The following STAM2 variants were observed in gnomAD, a reference collection of about 807,000 sequenced individuals.
STAM2 encodes signal transducing adapter molecule 2.
STAM2 carries 51 observed loss-of-function variants against 65.6 expected under a neutral mutation model. The observed-to-expected ratio is 0.78, with a 90% CI of 0.62 to 0.98. STAM2 has a LOEUF of 0.98. Among genes scored for constraint, STAM2 ranks in the 50% least tolerant of loss-of-function variants. The pLI, the probability that STAM2 is intolerant of heterozygous loss-of-function variation, is 0.00. For synonymous variants in STAM2, 198 were observed against 208.4 expected, an observed-to-expected ratio of 0.95 and a Z score of 0.43; for missense variants, 584 against 617.8, an observed-to-expected ratio of 0.95 and a Z score of 0.58.
At chr2:152,145,217 T>C (rs985774094) in intron 5 of STAM2, among the ~76,000 whole-genome samples, 16 of 152,104 alleles carry the variant, frequency 1.1e-4, no homozygotes, top group African/African-American at 3.9e-4. Context: ...ACTAGAGGTG[T>C]ATGCATCCAC....
At chr2:152,165,580 C>G (rs1030665416) in intron 1 of STAM2, among the ~76,000 whole-genome samples, 5 of 152,174 alleles carry the variant, frequency 3.3e-5, no homozygotes, top group African/African-American at 1.2e-4. Flanking sequence ...GGAGTACTGT[C>G]AGGCTTCAGG....
intron 7 of STAM2, among the ~76,000 whole-genome samples, chr2:152,139,725 G>A (rs1292181050): frequency 6.6e-6 from 1 of 152,242 alleles, no homozygotes; most frequent in South Asian, 2.1e-4. Context: ...ATTTAGTAGA[G>A]AGACATACGT....
intron 11 of STAM2, among the ~76,000 whole-genome samples, chr2:152,128,460 GA>G (rs35373883): frequency 0.053 from 8,066 of 151,748 alleles, 248 homozygotes; most frequent in Non-Finnish European, 0.071. Flanking sequence ...GAAAGCTACA[GA>G]AATTAGTGCC....
At chr2:152,132,339 G>A (rs1013711233) in intron 10 of STAM2, among the ~76,000 whole-genome samples, 171 bp from the exon 11 acceptor site, 5 of 152,160 alleles carry the variant, frequency 3.3e-5, no homozygotes, top group African/African-American at 1.2e-4. Context: ...TTACTATCAT[G>A]TGACTAAAAG....
intron 11 of STAM2, among the ~76,000 whole-genome samples, chr2:152,131,093 G>T (rs917630734): frequency 6.6e-6 from 1 of 151,370 alleles, no homozygotes; most frequent in African/African-American, 2.4e-5. Context: ...GAAAAGAGAA[G>T]GTGTGATTTA....
intron 13 of STAM2, among the ~76,000 whole-genome samples, chr2:152,121,054 C>T (rs1410993867): frequency 6.6e-6 from 1 of 152,076 alleles, no homozygotes; most frequent in Non-Finnish European, 1.5e-5. Context: ...TTCTCAAACT[C>T]CTGGGCTCAA....
At chr2:152,165,960 C>A (rs531541049) in intron 1 of STAM2, among the ~76,000 whole-genome samples, 9 of 152,170 alleles carry the variant, frequency 5.9e-5, no homozygotes, top group Admixed American at 5.9e-4. Context: ...TCCAGCACTG[C>A]GGGAGGTCAA....
chr2:152,175,685 C>G lies in STAM2; in HGVS notation c.-43G>C, dbSNP rs1165709062. 2.5e-6 allele frequency: 4 copies of G among 1,591,094 alleles called. No individual in the cohort carries two copies. The African/African-American group carries it at 5.4e-5, about 21-fold the overall frequency. On this transcript the variant is annotated 5_prime_UTR_variant, in exon 1 of 14. Coordinates refer to ENST00000263904, the MANE Select transcript of STAM2 (RefSeq NM_005843.6). ...CCTAGTCGCTGCTGTCTAGCTGACA[C>G]TCAGCAACTGCTACCCGCCGGGTGA...
chr2:152,156,466 A>G (rs887371797), intron 1 of STAM2, among the ~76,000 whole-genome samples: 2 of 152,130 alleles, frequency 1.3e-5, no homozygotes, highest in Non-Finnish European at 2.9e-5. Context: ...CCTATATCAC[A>G]TTATTCTGTG....
In STAM2 at chr2:152,159,094, C is replaced by CATATAT. The variant is rs10524193; in HGVS notation, c.41-8871_41-8866dup. ...CAAGAAAAGCTAGCCAAAAAAAAACCATATATATATATATATACACACACA... is the reference window on the plus strand; with the variant it reads ...CAAGAAAAGCTAGCCAAAAAAAAACCATATATATATATATATATATATACACACACA... On this transcript the variant is annotated intron_variant, in intron 1 of 13. Coordinates refer to ENST00000263904, the MANE Select transcript of STAM2 (RefSeq NM_005843.6). Among the ~76,000 whole-genome samples the CATATAT allele has an allele frequency of 2.1e-3, 220 of 103,014 alleles. 20 individuals are homozygous for CATATAT. Among genetic ancestry groups the CATATAT allele is most frequent in the African/African-American group, 7.0e-3 (156 of 22,224 alleles). 67.6% of individuals were successfully genotyped at this position (103,014 alleles called of 152,430 possible).
chr2:152,144,814 G>A (rs1689309304), intron 6 of STAM2, 74 bp downstream of exon 6: 3 of 1,294,338 alleles, frequency 2.3e-6, no homozygotes, highest in Non-Finnish European at 3.4e-6. Context: ...TGGGATTACA[G>A]GCGTGAGCCA....
At chr2:152,131,568 G>A (rs545891489) in intron 11 of STAM2, 1 of 154,074 alleles carries the variant, frequency 6.5e-6, no homozygotes, top group East Asian at 1.9e-4. Flanking sequence ...GTCTCAAAGA[G>A]GAAAAAGTCA....
chr2:152,168,848 T>C (rs1257204043), intron 1 of STAM2, among the ~76,000 whole-genome samples: 1 of 152,238 alleles, frequency 6.6e-6, no homozygotes, highest in Non-Finnish European at 1.5e-5. Flanking sequence ...CCACAGTGAT[T>C]AGACAATTGA....
chr2:152,155,345 T>C (rs1689521845), intron 1 of STAM2, among the ~76,000 whole-genome samples: 2 of 152,216 alleles, frequency 1.3e-5, no homozygotes, highest in South Asian at 2.1e-4. Flanking sequence ...TCTGTGGACA[T>C]AGTTTGGCTG....
chr2:152,169,093 A>C (rs1689852734), intron 1 of STAM2, among the ~76,000 whole-genome samples: 3 of 152,166 alleles, frequency 2.0e-5, no homozygotes, highest in Admixed American at 2.0e-4. Context: ...AATAAAATTA[A>C]GGGAGAATGA....
At chr2:152,151,767 A>G (rs1689450830) in intron 1 of STAM2, among the ~76,000 whole-genome samples, 1 of 152,108 alleles carries the variant, frequency 6.6e-6, no homozygotes, top group South Asian at 2.1e-4. Flanking sequence ...ACCACACAAT[A>G]TATGTTCTTT....
Position 152,135,615 on chromosome 2 carries a change from G to A in STAM2, c.705-12C>T. On this transcript the variant is annotated splice_polypyrimidine_tract_variant and intron_variant, in intron 7 of 13. Transcript: ENST00000263904. ...ACCAATTGGCATCACTAAAAATACA[G>A]TGCAAAAAATATCATTTGTTCCCCA... 6.5e-7 allele frequency: 1 copy of A among 1,550,124 alleles called. No individual in the cohort carries two copies. The highest frequency in any genetic ancestry group is 8.8e-7 in the Non-Finnish European group (1 of 1,132,744).
chr2:152,127,532 AAC>A (rs934093275), intron 11 of STAM2, among the ~76,000 whole-genome samples: 4 of 152,100 alleles, frequency 2.6e-5, no homozygotes, highest in African/African-American at 9.7e-5. Context: ...GAAATTTAAA[AAC>A]ACTTGTTAAA....
At chr2:152,175,434 C>G (rs759499676) in intron 1 of STAM2, among the ~76,000 whole-genome samples, 169 bp downstream of exon 1, 1 of 152,206 alleles carries the variant, frequency 6.6e-6, no homozygotes, top group Non-Finnish European at 1.5e-5. Flanking sequence ...AGCGACGCGC[C>G]GAGGTTGCCC....
Sources: gnomAD v4.1 joint callset for allele counts (sites outside exome capture counted in the v4.1 genomes callset) on GRCh38, gnomAD v4.1.1 for gene constraint, MANE v1.5 for transcripts, NCBI Gene and HGNC (gene_info 2026-07-23, HGNC 2026-07-21) for gene names.